The following RPF1 variants were observed in gnomAD, a reference collection of about 807,000 sequenced individuals.
RPF1 encodes ribosome production factor 1 homolog, also known as ribosome production factor 1.
In RPF1, 34 loss-of-function variants were observed where a neutral mutation model predicts 41.9. The ratio of observed to expected loss-of-function variants is 0.81; its 90% CI spans 0.62 to 1.08. RPF1 has a LOEUF of 1.08. Ranked by LOEUF, RPF1 falls within the 50% of genes least tolerant of loss-of-function variation. RPF1 has a pLI of 0.00. For missense variants in RPF1, 425 were observed against 435.2 expected, an observed-to-expected ratio of 0.98 and a Z score of 0.21; for synonymous variants, 140 against 148.9, an observed-to-expected ratio of 0.94 and a Z score of 0.43.
In RPF1 at chr1:84,488,446, A is replaced by G. The variant is rs552462176; in HGVS notation, c.367-1187A>G. Reference sequence around the variant, plus strand: ...TTTGAATAGTGATGTTCTAACCAGTAGCCTACCTAAATTCATTTCTAATTT... The same window carrying G: ...TTTGAATAGTGATGTTCTAACCAGTGGCCTACCTAAATTCATTTCTAATTT... On this transcript the variant is annotated intron_variant, in intron 3 of 8. Coordinates refer to ENST00000370654, the MANE Select transcript of RPF1 (RefSeq NM_025065.7). Among the ~76,000 whole-genome samples, 9 of 152,232 alleles carry G rather than the reference A, an allele frequency of 5.9e-5. No homozygotes were observed. The East Asian group carries it at 1.7e-3, about 29-fold the overall frequency.
intron 3 of RPF1, 118 bp downstream of exon 3, chr1:84,483,113 A>G: frequency 5.1e-6 from 3 of 584,380 alleles, no homozygotes; most frequent in Non-Finnish European, 6.3e-6. Flanking sequence ...TGATTCAGCT[A>G]AAATGTTGGC....
intron 1 of RPF1, 83 bp from the exon 2 acceptor site, chr1:84,480,873 A>G (rs1392253233): frequency 8.0e-6 from 6 of 753,952 alleles, no homozygotes; most frequent in Non-Finnish European, 1.4e-5. Context: ...TATTCATAGC[A>G]TTAGTAATTT....
chr1:84,486,281 G>A (rs956240047), intron 3 of RPF1, among the ~76,000 whole-genome samples: 1 of 151,974 alleles, frequency 6.6e-6, no homozygotes, highest in African/African-American at 2.4e-5. Flanking sequence ...GAGCCACTGG[G>A]TGGGTTAGAA....
intron 5 of RPF1, 40 bp from the exon 6 acceptor site, chr1:84,495,333 T>A (rs565389722): frequency 7.7e-6 from 7 of 904,264 alleles, no homozygotes; most frequent in South Asian, 7.3e-5. Context: ...TAGATTTAGA[T>A]TACAGAGTTC....
At chr1:84,479,649 A>C (rs780748679) in intron 1 of RPF1, 140 bp downstream of exon 1, 156 of 764,410 alleles carry the variant, frequency 2.0e-4, no homozygotes, top group Non-Finnish European at 2.9e-4. Context: ...GTCGCGGCCC[A>C]CGTGTTCTGG....
intron 3 of RPF1, among the ~76,000 whole-genome samples, chr1:84,487,724 A>T (rs1266565773): frequency 6.6e-6 from 1 of 151,976 alleles, no homozygotes; most frequent in Non-Finnish European, 1.5e-5. Flanking sequence ...TCTCGTATTT[A>T]TTTGCTTGAT....
intron 5 of RPF1, among the ~76,000 whole-genome samples, chr1:84,491,939 T>C (rs1681841818): frequency 6.6e-6 from 1 of 152,164 alleles, no homozygotes; most frequent in Non-Finnish European, 1.5e-5. Flanking sequence ...GGCCAGCAGA[T>C]TGCTTGAGGT....
rs1198522654 is a variant in RPF1 at position 84,496,049 on chromosome 1, CTTCAGAT to C, written c.872_878del (p.Arg291ThrfsTer22). On this transcript the variant is annotated frameshift_variant, in exon 7 of 9. Transcript: ENST00000370654. LOFTEE classifies it high-confidence loss of function. ...TCCACAATCAACGGGATTACATATT[CTTCAGAT>C]TTCACAGGTGAGGAAGGTAAACTCA... The C allele has an allele frequency of 6.2e-7, 1 of 1,606,246 alleles. No individual in the cohort carries two copies. Among genetic ancestry groups the C allele is most frequent in the Admixed American group, 1.7e-5 (1 of 58,596 alleles).
intron 4 of RPF1, 74 bp downstream of exon 4, chr1:84,489,802 A>G (rs1681800457): frequency 1.2e-6 from 1 of 855,172 alleles, no homozygotes; most frequent in African/African-American, 1.7e-5. Context: ...CTCTGTTCAG[A>G]AGAGTTAAAC....
At chr1:84,484,433 C>CA (rs753464309) in intron 3 of RPF1, among the ~76,000 whole-genome samples, 8,638 of 138,712 alleles carry the variant, frequency 0.062, 308 homozygotes, top group Non-Finnish European at 0.083. Flanking sequence ...TCCTTTTTAG[C>CA]AAAAAAAAAA....
intron 8 of RPF1, among the ~76,000 whole-genome samples, chr1:84,496,798 G>A (rs1043479928): frequency 5.9e-5 from 9 of 152,150 alleles, no homozygotes; most frequent in Non-Finnish European, 1.2e-4. Context: ...CATGTTTCTT[G>A]AGAACTATTG....
Position 84,495,897 on chromosome 1 carries a change from C to A in RPF1, c.715C>A (p.Pro239Thr). Residue 239 changes from proline to threonine, a missense_variant, in exon 7 of 9, where the codon CCC becomes ACC. Transcript: ENST00000370654. ...ATTTTTCTAGAGAAGAGGCAAGGAC[C>A]CCACAGAACACATACCTGAAATAAT... is the stretch of plus-strand genomic sequence containing the variant. Reference protein sequence around the residue: ...RKEIKRRGKDPTEHIPEIILN... With the variant: ...RKEIKRRGKDTTEHIPEIILN... 3 of 1,598,570 alleles carry A rather than the reference C, an allele frequency of 1.9e-6. No individual in the cohort carries two copies. The highest frequency in any genetic ancestry group is 2.3e-5 in the South Asian group (2 of 88,622).
At chr1:84,485,103 AGG>A (rs1208732996) in intron 3 of RPF1, among the ~76,000 whole-genome samples, 1 of 151,356 alleles carries the variant, frequency 6.6e-6, no homozygotes, top group Non-Finnish European at 1.5e-5. Context: ...CATAGCCTAA[AGG>A]TAACTTTTTT....
chr1:84,479,544 C>G (rs1184268483), intron 1 of RPF1, 35 bp downstream of exon 1: 1 of 1,601,888 alleles, frequency 6.2e-7, no homozygotes, highest in East Asian at 2.2e-5. Flanking sequence ...GGCGCTTGCG[C>G]GTTGTTCCTG....
intron 4 of RPF1, 78 bp downstream of exon 4, chr1:84,489,806 G>A: frequency 1.2e-6 from 1 of 803,562 alleles, no homozygotes; most frequent in Non-Finnish European, 2.1e-6. Flanking sequence ...GTTCAGAAGA[G>A]TTAAACCATT....
chr1:84,494,576 A>G (rs907310953), intron 5 of RPF1, among the ~76,000 whole-genome samples: 9 of 152,194 alleles, frequency 5.9e-5, no homozygotes, highest in Non-Finnish European at 1.3e-4. Flanking sequence ...TTACTCATGA[A>G]AAGTAAAGGT....
chr1:84,482,733 T>TAA (rs200145466), intron 2 of RPF1, among the ~76,000 whole-genome samples, 182 bp from the exon 3 acceptor site: 31 of 143,316 alleles, frequency 2.2e-4, no homozygotes, highest in East Asian at 3.9e-4. Flanking sequence ...CCCAGATTGT[T>TAA]TAAAAAAAAA....
At chr1:84,481,962 C>T (rs1194671064) in intron 2 of RPF1, among the ~76,000 whole-genome samples, 4 of 152,100 alleles carry the variant, frequency 2.6e-5, no homozygotes, top group Non-Finnish European at 5.9e-5. Context: ...CTGTTTTGAC[C>T]TGCAGTATCC....
Position 84,479,406 on chromosome 1 carries a change from C to A in RPF1, c.125C>A (p.Pro42His). ...GGGGCGACGGAAAACGGGGTCCAAC[C>A]CCCGAAAGCGGCTGCCTTTCCGCCA... ...GDGATENGVQ[P>H]PKAAAFPPGF... The change falls in exon 1 of 9, where the codon CCC becomes CAC. Residue 42 changes from proline (P) to histidine (H), a missense_variant. Physicochemically the swap from Pro to His is moderately conservative, Grantham distance 77. Transcript: ENST00000370654. The A allele has an allele frequency of 6.2e-7, 1 of 1,614,226 alleles. No homozygotes were observed. The highest frequency in any genetic ancestry group is 8.5e-7 in the Non-Finnish European group (1 of 1,180,038).
Sources: allele counts gnomAD v4.1 joint callset (sites outside exome capture counted in the v4.1 genomes callset), GRCh38; gene constraint gnomAD v4.1.1; transcripts MANE v1.5; gene names NCBI Gene and HGNC (gene_info 2026-07-23, HGNC 2026-07-21).